The following LYL1 variants were observed in gnomAD, a reference collection of about 807,000 sequenced individuals.
LYL1 encodes protein lyl-1.
Under a neutral mutation model 11.1 loss-of-function variants are expected in LYL1, and 4 were observed. That is an observed-to-expected ratio of 0.36 (90% CI 0.18 to 0.82). LYL1 has a LOEUF of 0.82. Among genes scored for constraint, LYL1 ranks in the 40% least tolerant of loss-of-function variants. The probability of loss-of-function intolerance (pLI) is 0.49; values close to 1 mark genes in which losing one functional copy is unlikely to be tolerated. For missense variants in LYL1, 356 were observed against 397.6 expected, an observed-to-expected ratio of 0.90 and a Z score of 0.89; for synonymous variants, 179 against 174.8, an observed-to-expected ratio of 1.02 and a Z score of -0.19.
Position 13,099,332 on chromosome 19 carries a change from G to A in LYL1, c.830C>T (p.Pro277Leu). The A allele has an allele frequency of 7.8e-7, 1 of 1,281,542 alleles. No homozygotes were observed. Among genetic ancestry groups the A allele is most frequent in the Non-Finnish European group, 9.9e-7 (1 of 1,012,528 alleles). The allele number at this position is 1,281,542 out of a possible 1,614,324, so 79.4% of individuals were successfully genotyped here. A position where few individuals can be genotyped will look rare whatever the true frequency, so the allele number is the denominator to read the frequency against. Reference protein sequence around the residue: ...PIKMEQTALSPEVR With the variant: ...PIKMEQTALSLEVR ...TGCCGCGTGCGGTCACCGCACCTCT[G>A]GGCTCAAAGCGGTTTGCTCCATCTT... Residue 277 changes from proline to leucine, a missense_variant, in exon 4 of 4, where the codon CCA (proline) becomes CTA (leucine). Physicochemically the swap from Pro to Leu is moderately conservative, Grantham distance 98 (BLOSUM62 -3). Coordinates refer to ENST00000264824, the MANE Select transcript of LYL1 (RefSeq NM_005583.5). The surrounding 1 kb of genome is among the most constrained non-coding windows in gnomAD (Gnocchi z 5.3).
rs535336204 is a variant in LYL1 at position 13,101,648 on chromosome 19, G to A, written c.-24-453C>T. On this transcript the variant is annotated intron_variant, in intron 1 of 3. Coordinates refer to ENST00000264824, the MANE Select transcript of LYL1 (RefSeq NM_005583.5). The surrounding 1 kb of genome is among the most constrained non-coding windows in gnomAD (Gnocchi z 5.1). The stretch of plus-strand genomic sequence containing the variant: ...TCATTAACTCATTGATGCCATGTGA[G>A]CTTGGAATCCCTCCAAGATGGACTC... The A allele has an allele frequency of 4.5e-6, 1 of 221,538 alleles. No homozygotes were observed. The highest frequency in any genetic ancestry group is 6.6e-5 in the East Asian group (1 of 15,094). 13.7% of individuals were successfully genotyped at this position (221,538 alleles called of 1,614,324 possible).
In LYL1 at chr19:13,102,851, A is replaced by C. The variant is rs1324711981; in HGVS notation, c.-345T>G. 1.3e-5 allele frequency: 2 copies of C among 152,076 alleles called. No individual in the cohort carries two copies. The allele number at this position is 152,076 out of a possible 1,614,324, so 9.4% of individuals were successfully genotyped here. On this transcript the variant is annotated 5_prime_UTR_variant, in exon 1 of 4. Coordinates refer to ENST00000264824, the MANE Select transcript of LYL1 (RefSeq NM_005583.5). The surrounding 1 kb of genome is among the most constrained non-coding windows in gnomAD (Gnocchi z 4.9). ...CGGCCGGAGGATGCTGGCCCAGTGCAGATAAGGGCCAGGCTGCCTGGCCGC... is the reference window on the plus strand; with the variant it reads ...CGGCCGGAGGATGCTGGCCCAGTGCCGATAAGGGCCAGGCTGCCTGGCCGC...
rs774440875 is a variant in LYL1 at position 13,101,110 on chromosome 19, A to G, written c.62T>C (p.Val21Ala). ...GGCAGGCGCTGGGCTGGGGGCACAC[A>G]CCATCTCTGCCTTCTCAGTCATGGT... ...GPTMTEKAEM[V>A]CAPSPAPAPP... The change falls in exon 2 of 4, where the codon GTG becomes GCG. Residue 21 changes from valine to alanine, a missense_variant. Val to Ala is a moderately conservative substitution (Grantham distance 64, BLOSUM62 0). Coordinates refer to ENST00000264824, the MANE Select transcript of LYL1 (RefSeq NM_005583.5). This position sits in a 1 kb window ranked among gnomAD's most constrained non-coding sequence, Gnocchi z 5.1. 6.0e-6 allele frequency: 9 copies of G among 1,487,728 alleles called. No homozygotes were observed. The highest frequency in any genetic ancestry group is 8.0e-6 in the Non-Finnish European group (9 of 1,122,090). 92.2% of individuals were successfully genotyped at this position (1,487,728 alleles called of 1,614,324 possible). A position where few individuals can be genotyped will look rare whatever the true frequency, so the allele number is the denominator to read the frequency against.
At position 13,099,782 on chromosome 19, in the gene LYL1, C is replaced by T. The variant is rs1200066167; in HGVS notation, c.428-48G>A. On this transcript the variant is annotated intron_variant, in intron 3 of 3. Coordinates refer to ENST00000264824, the MANE Select transcript of LYL1 (RefSeq NM_005583.5). This position sits in a 1 kb window ranked among gnomAD's most constrained non-coding sequence, Gnocchi z 5.3. ...TGGTGCCATGGCCCAAAGGGCGGCC[C>T]CTCCTGCCCTCCCGCTAGACACGCA... 5.9e-6 allele frequency: 8 copies of T among 1,353,116 alleles called. No homozygotes were observed. Among genetic ancestry groups the T allele is most frequent in the Non-Finnish European group, 7.7e-6 (8 of 1,040,706 alleles). 83.8% of individuals were successfully genotyped at this position (1,353,116 alleles called of 1,614,324 possible).
At position 13,100,850 on chromosome 19, in the gene LYL1, G is replaced by T. The variant is rs1485114597; in HGVS notation, c.322C>A (p.Pro108Thr). The T allele has an allele frequency of 1.3e-6, 2 of 1,577,176 alleles. No individual in the cohort carries two copies. The highest frequency in any genetic ancestry group is 1.1e-5 in the South Asian group (1 of 87,384). The change falls in exon 2 of 4, where the codon CCC becomes ACC. Residue 108 changes from proline (P) to threonine (T), a missense_variant. Transcript: ENST00000264824. ...PTLALHYHPH[P>T]FLNSVYIGPA... Reference sequence around the variant, plus strand: ...ATCCCCACTGACCTGTTGAGGAAGGGGTGAGGGTGGTAGTGCAGGGCCAAA... The same window carrying T: ...ATCCCCACTGACCTGTTGAGGAAGGTGTGAGGGTGGTAGTGCAGGGCCAAA...
chr19:13,100,812 C>T (rs1382476109), intron 2 of LYL1, 25 bp downstream of exon 2: 1 of 1,595,960 alleles, frequency 6.3e-7, no homozygotes, highest in South Asian at 1.1e-5. Flanking sequence ...ATCCCCACTG[C>T]CCCCCACCCC....
At position 13,099,746 on chromosome 19, in the gene LYL1, G is replaced by A. The variant is rs774849975; in HGVS notation, c.428-12C>T. On this transcript the variant is annotated splice_polypyrimidine_tract_variant and intron_variant, in intron 3 of 3. Coordinates refer to ENST00000264824, the MANE Select transcript of LYL1 (RefSeq NM_005583.5). The surrounding 1 kb of genome is among the most constrained non-coding windows in gnomAD (Gnocchi z 5.3). The stretch of plus-strand genomic sequence containing the variant: ...CTGGGGCTGGTGCCCTGTGGACAAG[G>A]AGGGCCGGGTTGGTGCCATGGCCCA... The A allele has an allele frequency of 3.4e-6, 5 of 1,451,250 alleles. No homozygotes were observed. The highest frequency in any genetic ancestry group is 1.4e-5 in the South Asian group (1 of 72,780). 89.9% of individuals were successfully genotyped at this position (1,451,250 alleles called of 1,614,324 possible).
rs1266578689 is a variant in LYL1 at position 13,100,981 on chromosome 19, C to T, written c.191G>A (p.Ser64Asn). The T allele has an allele frequency of 2.0e-6, 3 of 1,490,240 alleles. No individual in the cohort carries two copies. The highest frequency in any genetic ancestry group is 2.7e-6 in the Non-Finnish European group (3 of 1,120,232). 92.3% of individuals were successfully genotyped at this position (1,490,240 alleles called of 1,614,324 possible). The change falls in exon 2 of 4, where the codon AGC becomes AAC. Residue 64 changes from serine (S) to asparagine (N), a missense_variant. By Grantham distance (46) the Ser-to-Asn change is conservative. Coordinates refer to ENST00000264824, the MANE Select transcript of LYL1 (RefSeq NM_005583.5). ...PRLPPGVPVI[S>N]LGHSRPPGVA... ...CCCTGGGGGCCTGCTGTGGCCCAGGCTGATCACTGGTACACCAGGTGGCAG... is the reference window on the plus strand; with the variant it reads ...CCCTGGGGGCCTGCTGTGGCCCAGGTTGATCACTGGTACACCAGGTGGCAG...
In LYL1 at chr19:13,101,250, T is replaced by C; in HGVS notation, c.-24-55A>G. On this transcript the variant is annotated intron_variant, in intron 1 of 3. Coordinates refer to ENST00000264824, the MANE Select transcript of LYL1 (RefSeq NM_005583.5). The surrounding 1 kb of genome is among the most constrained non-coding windows in gnomAD (Gnocchi z 5.1). ...GAGGACTAGGTGCCCCGCTCCCACCTGCTTAGCTCAAGAAACCCCTCAAAT... is the reference window on the plus strand; with the variant it reads ...GAGGACTAGGTGCCCCGCTCCCACCCGCTTAGCTCAAGAAACCCCTCAAAT... 1.5e-6 allele frequency: 1 copy of C among 681,112 alleles called. No individual in the cohort carries two copies. The highest frequency in any genetic ancestry group is 2.2e-6 in the Non-Finnish European group (1 of 457,488). 42.2% of individuals were successfully genotyped at this position (681,112 alleles called of 1,614,324 possible). A position where few individuals can be genotyped will look rare whatever the true frequency, so the allele number is the denominator to read the frequency against.
In LYL1 at chr19:13,102,724, C is replaced by T. The variant is rs1122234; in HGVS notation, c.-218G>A. The T allele has an allele frequency of 0.075, 11,759 of 156,012 alleles. 1,118 individuals carry two copies. Among genetic ancestry groups the T allele is most frequent in the African/African-American group, 0.22 (9,338 of 41,634 alleles). 9.7% of individuals were successfully genotyped at this position (156,012 alleles called of 1,614,324 possible). A position where few individuals can be genotyped will look rare whatever the true frequency, so the allele number is the denominator to read the frequency against. On this transcript the variant is annotated 5_prime_UTR_variant, in exon 1 of 4. Transcript: ENST00000264824. This position sits in a 1 kb window ranked among gnomAD's most constrained non-coding sequence, Gnocchi z 4.9. Reference sequence around the variant, plus strand: ...GGAAGGCCAGGATAGCCGAGGTCTCCGCGTAGGTCCCCCCCAGGGAAAGTG... The same window carrying T: ...GGAAGGCCAGGATAGCCGAGGTCTCTGCGTAGGTCCCCCCCAGGGAAAGTG...
rs1410782993 is a variant in LYL1, at chr19:13,099,478, G to C, written c.684C>G (p.His228Gln). Residue 228 changes from histidine to glutamine, a missense_variant, in exon 4 of 4, where the codon CAC becomes CAG. By Grantham distance (24) the His-to-Gln change is conservative. Transcript: ENST00000264824. The surrounding 1 kb of genome is among the most constrained non-coding windows in gnomAD (Gnocchi z 5.3). ...GGCGGGCGCCGTCGTCTGGGACCCG[G>C]TGCACCGGCCGTTTGCGAGGCCCGG... Reference protein sequence around the residue: ...TPPGPRKRPVHRVPDDGARRG... With the variant: ...TPPGPRKRPVQRVPDDGARRG... 3 of 1,313,692 alleles carry C rather than the reference G, an allele frequency of 2.3e-6. No individual in the cohort carries two copies. Among genetic ancestry groups the C allele is most frequent in the Non-Finnish European group, 2.9e-6 (3 of 1,020,532 alleles). 81.4% of individuals were successfully genotyped at this position (1,313,692 alleles called of 1,614,324 possible). A position where few individuals can be genotyped will look rare whatever the true frequency, so the allele number is the denominator to read the frequency against.
In LYL1 at chr19:13,100,963, G is replaced by A. The variant is rs2018678928; in HGVS notation, c.209C>T (p.Pro70Leu). 6.7e-7 allele frequency: 1 copy of A among 1,502,510 alleles called. No individual in the cohort carries two copies. Among genetic ancestry groups the A allele is most frequent in the Admixed American group, 2.3e-5 (1 of 43,226 alleles). 93.1% of individuals were successfully genotyped at this position (1,502,510 alleles called of 1,614,324 possible). A position where few individuals can be genotyped will look rare whatever the true frequency, so the allele number is the denominator to read the frequency against. Residue 70 changes from proline to leucine, a missense_variant, in exon 2 of 4, where the codon CCC (proline) becomes CTC (leucine). Physicochemically the swap from Pro to Leu is moderately conservative, Grantham distance 98 (BLOSUM62 -3). Coordinates refer to ENST00000264824, the MANE Select transcript of LYL1 (RefSeq NM_005583.5). ...TGTGGTGGGCATGGCTACCCCTGGG[G>A]GCCTGCTGTGGCCCAGGCTGATCAC... is the stretch of plus-strand genomic sequence containing the variant. ...VPVISLGHSR[P>L]PGVAMPTTEL...
chr19:13,101,283 A>C lies in LYL1; in HGVS notation c.-24-88T>G. On this transcript the variant is annotated intron_variant, in intron 1 of 3. Transcript: ENST00000264824. This position sits in a 1 kb window ranked among gnomAD's most constrained non-coding sequence, Gnocchi z 5.1. ...TCAAGAAACCCCTCAAATGGGAAGG[A>C]GGGAGGGGGAGGGGGAAAGGAGGAG... 3 of 309,964 alleles carry C rather than the reference A, an allele frequency of 9.7e-6. No individual in the cohort carries two copies. Among genetic ancestry groups the C allele is most frequent in the East Asian group, 4.7e-5 (1 of 21,166 alleles). The allele number at this position is 309,964 out of a possible 1,614,324, so 19.2% of individuals were successfully genotyped here.
Position 13,102,340 on chromosome 19 carries a change from G to C in LYL1, c.-25+191C>G, listed in dbSNP as rs1273225727. Reference sequence around the variant, plus strand: ...TGTTTGCTCTTGGTTCCAGAGTCCAGGATGTCCCAGCAAGGTGTGAGACTG... The same window carrying C: ...TGTTTGCTCTTGGTTCCAGAGTCCACGATGTCCCAGCAAGGTGTGAGACTG... On this transcript the variant is annotated intron_variant, in intron 1 of 3. Coordinates refer to ENST00000264824, the MANE Select transcript of LYL1 (RefSeq NM_005583.5). The surrounding 1 kb of genome is among the most constrained non-coding windows in gnomAD (Gnocchi z 4.9). The C allele has an allele frequency of 5.0e-6, 1 of 199,930 alleles. No homozygotes were observed. The highest frequency in any genetic ancestry group is 2.3e-5 in the African/African-American group (1 of 43,428). The allele number at this position is 199,930 out of a possible 1,614,324, so 12.4% of individuals were successfully genotyped here.
At position 13,101,902 on chromosome 19, in the gene LYL1, A is replaced by C. The variant is rs1349734596; in HGVS notation, c.-25+629T>G. The C allele has an allele frequency of 4.3e-6, 1 of 231,756 alleles. No homozygotes were observed. Among genetic ancestry groups the C allele is most frequent in the African/African-American group, 2.2e-5 (1 of 44,928 alleles). 14.4% of individuals were successfully genotyped at this position (231,756 alleles called of 1,614,324 possible). On this transcript the variant is annotated intron_variant, in intron 1 of 3. Transcript: ENST00000264824. The surrounding 1 kb of genome is among the most constrained non-coding windows in gnomAD (Gnocchi z 5.1). The stretch of plus-strand genomic sequence containing the variant: ...AAACACTGACCCCACTGCCCAGTCC[A>C]GTCCAGTCATGCCCCAACCCTCCCT...
In LYL1 at chr19:13,100,876, G is replaced by T. The variant is rs1254845675; in HGVS notation, c.296C>A (p.Thr99Asn). Residue 99 changes from threonine (T) to asparagine (N), a missense_variant, in exon 2 of 4, where the codon ACT becomes AAT. Transcript: ENST00000264824. Reference protein sequence around the residue: ...QLSTLGTAPPTLALHYHPHPF... With the variant: ...QLSTLGTAPPNLALHYHPHPF... ...GTGAGGGTGGTAGTGCAGGGCCAAA[G>T]TGGGCGGGGCAGTTCCCAGGGTGGA... The T allele has an allele frequency of 5.1e-6, 8 of 1,569,796 alleles. No homozygotes were observed. The highest frequency in any genetic ancestry group is 6.9e-6 in the Non-Finnish European group (8 of 1,157,544).
In LYL1 at chr19:13,101,362, C is replaced by G. The variant is rs1003118579; in HGVS notation, c.-24-167G>C. 4 of 410,546 alleles carry G rather than the reference C, an allele frequency of 9.7e-6. No individual in the cohort carries two copies. In the Admixed American group the frequency reaches 1.7e-4, roughly 18 times the overall value. 25.4% of individuals were successfully genotyped at this position (410,546 alleles called of 1,614,324 possible). A position where few individuals can be genotyped will look rare whatever the true frequency, so the allele number is the denominator to read the frequency against. ...TGGCGGGGGCAGGCCCAGAAACTTC[C>G]AGGACACGGGAGGGGGGTCCTACGT... is the stretch of plus-strand genomic sequence containing the variant. On this transcript the variant is annotated intron_variant, in intron 1 of 3. Transcript: ENST00000264824. The surrounding 1 kb of genome is among the most constrained non-coding windows in gnomAD (Gnocchi z 5.1).
intron 2 of LYL1, 35 bp from the exon 3 acceptor site, chr19:13,100,783 G>A: frequency 6.2e-7 from 1 of 1,612,554 alleles, no homozygotes; most frequent in Non-Finnish European, 8.5e-7. Flanking sequence ...TGCCTTGTGG[G>A]CAAGGACCCT....
Position 13,099,125 on chromosome 19 carries a change from T to C in LYL1, c.*194A>G, listed in dbSNP as rs2018633037. 1 of 453,854 alleles carries C rather than the reference T, an allele frequency of 2.2e-6. No homozygotes were observed. Among genetic ancestry groups the C allele is most frequent in the Admixed American group, 4.5e-5 (1 of 22,306 alleles). 28.1% of individuals were successfully genotyped at this position (453,854 alleles called of 1,614,324 possible). A position where few individuals can be genotyped will look rare whatever the true frequency, so the allele number is the denominator to read the frequency against. ...TTCCAGAGGGTTGTGGGTGATTTTT[T>C]TAAGGGTCTGCGGGTCCCTTGGGGG... On this transcript the variant is annotated 3_prime_UTR_variant, in exon 4 of 4. Coordinates refer to ENST00000264824, the MANE Select transcript of LYL1 (RefSeq NM_005583.5). This position sits in a 1 kb window ranked among gnomAD's most constrained non-coding sequence, Gnocchi z 5.3.
Sources: gnomAD v4.1 joint callset for allele counts on GRCh38, gnomAD v4.1.1 for gene constraint, Gnocchi (gnomAD v3.1) non-coding constraint, MANE v1.5 for transcripts, NCBI Gene and HGNC (gene_info 2026-07-23, HGNC 2026-07-21) for gene names.